Variants in RBPMS2 observed in about 807,000 individuals in gnomAD.
RBPMS2 encodes RNA-binding protein with multiple splicing 2.
A neutral mutation model predicts 25.7 loss-of-function variants in RBPMS2; 14 were observed. The observed-to-expected ratio is 0.55, with a 90% confidence interval of 0.36 to 0.85. RBPMS2 has a LOEUF of 0.85. RBPMS2 is among the 40% of genes least tolerant of loss of function. The pLI is 0.01. For missense variants in RBPMS2, 252 were observed against 283.4 expected (o/e 0.89, Z 0.80); for synonymous variants, 127 against 115.6 (o/e 1.10, Z -0.63).
At chr15:64,747,581 C>A (rs2083629860) in intron 6 of RBPMS2, among the ~76,000 whole-genome samples, 1 of 152,204 alleles carries the variant, frequency 6.6e-6, no homozygotes, top group South Asian at 2.1e-4. Context: ...CTGGCTGCAA[C>A]TTGTCACTGC....
intron 1 of RBPMS2, among the ~76,000 whole-genome samples, chr15:64,764,573 G>T (rs747168870): frequency 6.6e-6 from 1 of 152,128 alleles, no homozygotes; most frequent in African/African-American, 2.4e-5. Context: ...AACATAGCAG[G>T]ACCCTCCATC....
chr15:64,749,243 G>A (rs1057426931), intron 4 of RBPMS2, 93 bp from the exon 5 acceptor site: 16 of 1,495,542 alleles, frequency 1.1e-5, no homozygotes, highest in Admixed American at 3.4e-5. Flanking sequence ...AAACAAGCTC[G>A]CCTCGAAGAC....
intron 5 of RBPMS2, 62 bp from the exon 6 acceptor site, chr15:64,748,629 G>A (rs2083642724): frequency 6.6e-7 from 1 of 1,504,282 alleles, no homozygotes; most frequent in Non-Finnish European, 8.9e-7. Flanking sequence ...AAACGGAGAA[G>A]GGGACCCAGC....
chr15:64,760,825 C>G (rs1270898729), intron 1 of RBPMS2, among the ~76,000 whole-genome samples: 2 of 150,354 alleles, frequency 1.3e-5, no homozygotes, highest in Non-Finnish European at 3.0e-5. Flanking sequence ...AGAAAGCAAA[C>G]AGACCCTTCT....
chr15:64,752,929 G>C (rs1311289545), intron 1 of RBPMS2, among the ~76,000 whole-genome samples: 1 of 152,044 alleles, frequency 6.6e-6, no homozygotes, highest in East Asian at 1.9e-4. Flanking sequence ...TGAATTTTGA[G>C]CATTGCCCCC....
At position 64,744,818 on chromosome 15, in the gene RBPMS2, T is replaced by G. The variant is rs1445367318; in HGVS notation, c.568-3576A>C. On this transcript the variant is annotated intron_variant, in intron 6 of 7. Transcript: ENST00000300069. The stretch of plus-strand genomic sequence containing the variant: ...GTTTTGTTTTTTTTTTTTTTTTTTT[T>G]TTTTTTTTTTTTTTGAGACAGAGTC... Among the ~76,000 whole-genome samples, 444 of 116,270 alleles carry G rather than the reference T, an allele frequency of 3.8e-3. 12 individuals are homozygous for G. Among genetic ancestry groups the G allele is most frequent in the African/African-American group, 0.014 (414 of 29,258 alleles). The allele number at this position is 116,270 out of a possible 152,430, so 76.3% of individuals were successfully genotyped here.
Position 64,741,844 on chromosome 15 carries a change from G to C in RBPMS2, c.568-602C>G, listed in dbSNP as rs114383678. 3.3e-3 allele frequency among the ~76,000 whole-genome samples: 504 copies of C among 152,236 alleles called. 1 individual carries two copies. The highest frequency in any genetic ancestry group is 0.012 in the African/African-American group (485 of 41,554). ...GGCTCAGGAGTTCAAGACCAGCCTGGGCAACATAGGGAGATAATGTCTCTA... is the reference window on the plus strand; with the variant it reads ...GGCTCAGGAGTTCAAGACCAGCCTGCGCAACATAGGGAGATAATGTCTCTA... On this transcript the variant is annotated intron_variant, in intron 6 of 7. Transcript: ENST00000300069.
At chr15:64,764,814 A>T (rs1857733790) in intron 1 of RBPMS2, among the ~76,000 whole-genome samples, 1 of 151,548 alleles carries the variant, frequency 6.6e-6, no homozygotes. Context: ...GCTACTCAGG[A>T]GGCCGAGGCA....
chr15:64,751,644 G>A lies in RBPMS2; in HGVS notation c.88-6C>T. On this transcript the variant is annotated splice_polypyrimidine_tract_variant and splice_region_variant and intron_variant, in intron 1 of 7. Coordinates refer to ENST00000300069, the MANE Select transcript of RBPMS2 (RefSeq NM_194272.3). ...CTGACAAACAGTGTCCGGACCTGGA[G>A]ACAGAGACCAGTGATCAGGGCCAGG... The A allele has an allele frequency of 6.2e-7, 1 of 1,613,470 alleles. No individual in the cohort carries two copies. The highest frequency in any genetic ancestry group is 8.5e-7 in the Non-Finnish European group (1 of 1,179,548).
In RBPMS2 at chr15:64,750,380, C is replaced by T. The variant is rs2141060247; in HGVS notation, c.167G>A (p.Gly56Glu). The T allele has an allele frequency of 1.2e-5, 20 of 1,613,794 alleles. No individual in the cohort carries two copies. The highest frequency in any genetic ancestry group is 1.7e-5 in the Non-Finnish European group (20 of 1,179,724). ...GAGCTTGATCAGGGACCCTTCATACCCCTGCGGAGAGAGGTGGCTGTTACC... is the reference window on the plus strand; with the variant it reads ...GAGCTTGATCAGGGACCCTTCATACTCCTGCGGAGAGAGGTGGCTGTTACC... The part of the protein sequence containing the change: ...ELYLLFRPFK[G>E]YEGSLIKLTA... Residue 56 changes from glycine to glutamate, a missense_variant and splice_region_variant, in exon 3 of 8, where the codon GGG becomes GAG. Coordinates refer to ENST00000300069, the MANE Select transcript of RBPMS2 (RefSeq NM_194272.3).
Position 64,749,971 on chromosome 15 carries a change from C to T in RBPMS2, c.204+372G>A, listed in dbSNP as rs78582963. On this transcript the variant is annotated intron_variant, in intron 3 of 7. Coordinates refer to ENST00000300069, the MANE Select transcript of RBPMS2 (RefSeq NM_194272.3). The stretch of plus-strand genomic sequence containing the variant: ...ACCCCAAATAGCCCCCAAAGGCTAG[C>T]GGGCCCTGGCCTCCTTGTATTAAAA... Among the ~76,000 whole-genome samples, 1,239 of 152,008 alleles carry T rather than the reference C, an allele frequency of 8.2e-3. 11 individuals are homozygous for T. Among genetic ancestry groups the T allele is most frequent in the African/African-American group, 0.02 (843 of 41,448 alleles).
intron 1 of RBPMS2, among the ~76,000 whole-genome samples, chr15:64,759,276 A>C (rs1037515736): frequency 2.8e-4 from 43 of 152,182 alleles, no homozygotes; most frequent in Non-Finnish European, 3.4e-4. Flanking sequence ...ATCCCCTCCT[A>C]GTACGAATAG....
intron 6 of RBPMS2, among the ~76,000 whole-genome samples, chr15:64,747,133 C>T (rs746761247): frequency 6.6e-5 from 10 of 152,182 alleles, no homozygotes; most frequent in Non-Finnish European, 1.2e-4. Context: ...TGGGGAAGAG[C>T]GCCAGGGTTA....
chr15:64,753,679 G>T (rs750631541), intron 1 of RBPMS2, among the ~76,000 whole-genome samples: 1 of 152,124 alleles, frequency 6.6e-6, no homozygotes, highest in Non-Finnish European at 1.5e-5. Context: ...CGCTTGGGAC[G>T]CATCTTCTCC....
At chr15:64,765,850 G>A (rs756988118) in intron 1 of RBPMS2, among the ~76,000 whole-genome samples, 91 of 151,538 alleles carry the variant, frequency 6.0e-4, no homozygotes, top group Admixed American at 1.3e-3. Context: ...AAAATTAGCT[G>A]GGCATGGTGG....
intron 6 of RBPMS2, among the ~76,000 whole-genome samples, chr15:64,746,986 T>C (rs2083622997): frequency 6.6e-6 from 1 of 152,190 alleles, no homozygotes; most frequent in African/African-American, 2.4e-5. Context: ...GTAGACAGGA[T>C]GAGCTTCCCT....
chr15:64,762,592 G>A (rs942478539), intron 1 of RBPMS2: 8 of 489,716 alleles, frequency 1.6e-5, no homozygotes, highest in Middle Eastern at 3.4e-4. Flanking sequence ...ACCCACTGAC[G>A]AGATTCCAAA....
At chr15:64,767,978 G>A (rs945098602) in intron 1 of RBPMS2, among the ~76,000 whole-genome samples, 1 of 152,106 alleles carries the variant, frequency 6.6e-6, no homozygotes, top group Non-Finnish European at 1.5e-5. Context: ...TGGCCTCCTT[G>A]AGTGGGATTT....
chr15:64,757,730 T>C (rs1184212188), intron 1 of RBPMS2, among the ~76,000 whole-genome samples: 2 of 152,136 alleles, frequency 1.3e-5, no homozygotes, highest in African/African-American at 4.8e-5. Flanking sequence ...GGGACCATTG[T>C]GGTACCTACG....
Sources: allele counts gnomAD v4.1 joint callset (sites outside exome capture counted in the v4.1 genomes callset), GRCh38; gene constraint gnomAD v4.1.1; transcripts MANE v1.5; gene names NCBI Gene and HGNC (gene_info 2026-07-23, HGNC 2026-07-21).